The following RALYL variants were observed in gnomAD, a reference collection of about 807,000 sequenced individuals.
The protein encoded by RALYL is RALY RNA binding protein like, also known as RNA-binding Raly-like protein.
RALYL carries 29 observed loss-of-function variants against 35.1 expected under a neutral mutation model. The ratio of observed to expected loss-of-function variants is 0.83; its 90% CI spans 0.61 to 1.13. RALYL has a LOEUF of 1.13. Ranked by LOEUF, RALYL falls within the 50% of genes most tolerant of loss-of-function variation. RALYL has a pLI of 0.00. For synonymous variants in RALYL, 120 were observed against 127.6 expected, an observed-to-expected ratio of 0.94 and a Z score of 0.40; for missense variants, 359 against 360.4, an observed-to-expected ratio of 1.00 and a Z score of 0.03.
chr8:84,532,926 C>T (rs2059366570), intron 2 of RALYL, among the ~76,000 whole-genome samples: 1 of 152,100 alleles, frequency 6.6e-6, no homozygotes, highest in Admixed American at 6.5e-5. Flanking sequence ...TAGAGGGTAT[C>T]CATGTTTATT....
chr8:84,593,047 T>C (rs960524592), intron 2 of RALYL, among the ~76,000 whole-genome samples: 3 of 152,128 alleles, frequency 2.0e-5, no homozygotes, highest in Admixed American at 6.6e-5. Flanking sequence ...TTACAACATA[T>C]GACTGCTTTT....
intron 2 of RALYL, among the ~76,000 whole-genome samples, chr8:84,567,100 G>T (rs2061833552): frequency 6.6e-6 from 1 of 151,662 alleles, no homozygotes; most frequent in Non-Finnish European, 1.5e-5. Flanking sequence ...TTATTTTGTT[G>T]TTGAGTTATA....
chr8:84,823,452 G>A (rs1828944851), intron 4 of RALYL, among the ~76,000 whole-genome samples: 1 of 152,122 alleles, frequency 6.6e-6, no homozygotes, highest in South Asian at 2.1e-4. Flanking sequence ...GTACCTAATG[G>A]CACACAAAGC....
chr8:84,222,460 C>A (rs1822481759), intron 1 of RALYL, among the ~76,000 whole-genome samples: 1 of 152,086 alleles, frequency 6.6e-6, no homozygotes, highest in Non-Finnish European at 1.5e-5. Context: ...AACAGAAGTA[C>A]AACAGTGAGT....
chr8:84,739,484 G>A (rs1173863865), intron 2 of RALYL, among the ~76,000 whole-genome samples: 1 of 151,838 alleles, frequency 6.6e-6, no homozygotes, highest in Non-Finnish European at 1.5e-5. Flanking sequence ...AGGATAAATG[G>A]TTCCACCTAC....
Position 84,760,845 on chromosome 8 carries a change from AG to A in RALYL, c.257-13732del, listed in dbSNP as rs370008784. ...CTGAAATATCTCAATTTGAAGGAAA[AG>A]GTTTTAATGGAGCTTCTATTTATAA... On this transcript the variant is annotated intron_variant, in intron 2 of 8. Transcript: ENST00000521268. Among the ~76,000 whole-genome samples the A allele has an allele frequency of 4.5e-4, 69 of 152,210 alleles. No individual in the cohort carries two copies. The South Asian group carries it at 0.014, about 31-fold the overall frequency.
intron 4 of RALYL, among the ~76,000 whole-genome samples, chr8:84,832,823 A>T (rs1831187635): frequency 6.6e-6 from 1 of 152,200 alleles, no homozygotes; most frequent in Admixed American, 6.5e-5. Context: ...GTGTTATATT[A>T]CAACATACAA....
chr8:84,644,692 TTATG>T (rs1305926932), intron 2 of RALYL, among the ~76,000 whole-genome samples: 2 of 152,028 alleles, frequency 1.3e-5, no homozygotes, highest in Non-Finnish European at 2.9e-5. Flanking sequence ...GCTCATTCCT[TTATG>T]TTTAGCTTTT....
chr8:84,788,252 A>G (rs1231061694), intron 3 of RALYL, among the ~76,000 whole-genome samples: 2 of 152,202 alleles, frequency 1.3e-5, no homozygotes, highest in Non-Finnish European at 2.9e-5. Flanking sequence ...ACAGATATAT[A>G]GGCCAATGGA....
intron 8 of RALYL, among the ~76,000 whole-genome samples, chr8:84,912,467 T>C (rs373519176): frequency 2.0e-5 from 3 of 152,208 alleles, no homozygotes; most frequent in Admixed American, 6.6e-5. Context: ...ATTTAAAGTT[T>C]ATTAAAGTTA....
chr8:84,771,672 C>T (rs1000352951), intron 2 of RALYL, among the ~76,000 whole-genome samples: 8 of 151,990 alleles, frequency 5.3e-5, no homozygotes, highest in African/African-American at 9.7e-5. Flanking sequence ...TTATTCACCA[C>T]TCATGTTTTC....
At chr8:84,588,660 C>T (rs1335575733) in intron 2 of RALYL, among the ~76,000 whole-genome samples, 3 of 152,164 alleles carry the variant, frequency 2.0e-5, no homozygotes, top group Admixed American at 2.0e-4. Flanking sequence ...TCCTCTTCCA[C>T]TGCATTGACC....
At chr8:84,840,993 G>A (rs1023044590) in intron 4 of RALYL, among the ~76,000 whole-genome samples, 22 of 152,292 alleles carry the variant, frequency 1.4e-4, no homozygotes, top group African/African-American at 4.8e-4. Context: ...GGAACAACCA[G>A]TACCAGCCAC....
intron 3 of RALYL, among the ~76,000 whole-genome samples, chr8:84,791,203 A>G (rs1486060488): frequency 6.6e-6 from 1 of 152,214 alleles, no homozygotes; most frequent in African/African-American, 2.4e-5. Context: ...TCAGCTGAGA[A>G]CATGACATTT....
At chr8:84,724,058 C>T (rs1244991149) in intron 2 of RALYL, among the ~76,000 whole-genome samples, 1 of 151,682 alleles carries the variant, frequency 6.6e-6, no homozygotes, top group Non-Finnish European at 1.5e-5. Flanking sequence ...TGAATGAATT[C>T]AGTAATATTG....
chr8:84,223,625 C>G lies in RALYL; in HGVS notation c.-24+39201C>G, dbSNP rs777319480. On this transcript the variant is annotated intron_variant, in intron 1 of 8. Coordinates refer to ENST00000521268, the MANE Select transcript of RALYL (RefSeq NM_173848.7). ...ATGCAGCATTTTCTCTAGTAGCTCTCAGAACAGAGTATTTGGTTGGAAGGA... is the reference window on the plus strand; with the variant it reads ...ATGCAGCATTTTCTCTAGTAGCTCTGAGAACAGAGTATTTGGTTGGAAGGA... Among the ~76,000 whole-genome samples the G allele has an allele frequency of 6.6e-5, 10 of 152,144 alleles. 1 individual carries two copies. Among genetic ancestry groups the G allele is most frequent in the Non-Finnish European group, 1.5e-4 (10 of 68,034 alleles).
chr8:84,654,091 A>G (rs1408954961), intron 2 of RALYL, among the ~76,000 whole-genome samples: 3 of 149,996 alleles, frequency 2.0e-5, no homozygotes, highest in African/African-American at 7.3e-5. Context: ...ACACACAAAT[A>G]TATATATACA....
intron 1 of RALYL, among the ~76,000 whole-genome samples, chr8:84,527,469 A>G (rs570132510): frequency 1.3e-5 from 2 of 152,348 alleles, no homozygotes; most frequent in East Asian, 3.9e-4. Context: ...AATGTCAACT[A>G]TAAGAATTGT....
At chr8:84,853,492 T>C (rs1288487470) in intron 5 of RALYL, among the ~76,000 whole-genome samples, 4 of 152,148 alleles carry the variant, frequency 2.6e-5, no homozygotes, top group Non-Finnish European at 4.4e-5. Context: ...TTCAGGTGAC[T>C]CTCTACTATA....
Sources: allele counts gnomAD v4.1 joint callset (sites outside exome capture counted in the v4.1 genomes callset), GRCh38; gene constraint gnomAD v4.1.1; transcripts MANE v1.5; gene names NCBI Gene and HGNC (gene_info 2026-07-23, HGNC 2026-07-21).